ZBED6: variants seen among roughly 807,000 people sequenced by gnomAD.
The protein encoded by ZBED6 is zinc finger BED domain-containing protein 6.
A neutral mutation model predicts 58.4 loss-of-function variants in ZBED6; 40 were observed. The ratio of observed to expected loss-of-function variants is 0.68; its 90% CI spans 0.53 to 0.89. The LOEUF is 0.89. Ranked by LOEUF, ZBED6 falls within the 40% of genes least tolerant of loss-of-function variation. ZBED6 has a pLI of 0.00. For synonymous variants in ZBED6, 439 were observed against 350.6 expected, an observed-to-expected ratio of 1.25 and a Z score of -2.82; for missense variants, 1,057 against 1,003.9, an observed-to-expected ratio of 1.05 and a Z score of -0.71.
chr1:203,799,944 G>C (rs1449685241), exon 1 of ZBED6: 4 of 1,536,134 alleles, frequency 2.6e-6, no homozygotes, highest in Non-Finnish European at 2.6e-6. Flanking sequence ...ATCTTCACCA[G>C]AGATCTGCCA....
intron 3 of ZBED6, among the ~76,000 whole-genome samples, chr1:203,824,681 C>G (rs1054712015): frequency 6.6e-6 from 1 of 152,104 alleles, no homozygotes. Context: ...GGTTCCACGG[C>G]TTTTGGTTGG....
chr1:203,819,497 C>T (rs1317171089), intron 3 of ZBED6, among the ~76,000 whole-genome samples: 4 of 148,928 alleles, frequency 2.7e-5, no homozygotes, highest in Non-Finnish European at 4.4e-5. Context: ...GCTGGGATTA[C>T]ATGCGTGAGC....
intron 11 of ZBED6, among the ~76,000 whole-genome samples, chr1:203,844,050 C>T (rs1325533900): frequency 6.6e-6 from 1 of 151,832 alleles, no homozygotes; most frequent in African/African-American, 2.4e-5. Flanking sequence ...AGAAACGGGG[C>T]TTCTCCATGT....
At chr1:203,830,924 A>AATTTT (rs1682062416) in intron 7 of ZBED6, among the ~76,000 whole-genome samples, 36 of 89,890 alleles carry the variant, frequency 4.0e-4, no homozygotes, top group African/African-American at 1.4e-3. Flanking sequence ...TCCAACCCCC[A>AATTTT]ATTTTTTTTT....
chr1:203,840,736 C>A (rs1308573829), intron 11 of ZBED6, among the ~76,000 whole-genome samples: 1 of 151,990 alleles, frequency 6.6e-6, no homozygotes, highest in Non-Finnish European at 1.5e-5. Context: ...TGGGTTCAAG[C>A]AATTCCCCTG....
chr1:203,796,491 T>A lies in ZBED6; in HGVS notation c.-1032T>A. On this transcript the variant is annotated 5_prime_UTR_variant, in exon 1 of 17. An upstream open reading frame in the 5' UTR loses its in-frame stop. Transcript: ENST00000550078. ...AATGAAGAACACCCCTAAACTCCCA[T>A]AATCGGTGCGGATTCCTATGGGGAA... 2.5e-6 allele frequency: 1 copy of A among 398,972 alleles called. No homozygotes were observed. Among genetic ancestry groups the A allele is most frequent in the Non-Finnish European group, 4.4e-6 (1 of 226,042 alleles). 24.7% of individuals were successfully genotyped at this position (398,972 alleles called of 1,614,324 possible). A position where few individuals can be genotyped will look rare whatever the true frequency, so the allele number is the denominator to read the frequency against.
exon 10 of ZBED6, chr1:203,838,056 C>T (rs754011362): frequency 6.2e-7 from 1 of 1,614,024 alleles, no homozygotes; most frequent in Non-Finnish European, 8.5e-7. Flanking sequence ...GACAAAACAC[C>T]AAAGAAAGGT....
At chr1:203,846,861 G>A (rs973265687) in intron 11 of ZBED6, among the ~76,000 whole-genome samples, 6 of 151,956 alleles carry the variant, frequency 3.9e-5, no homozygotes, top group Admixed American at 1.3e-4. Flanking sequence ...ACAATTAGCC[G>A]GGCTTGGTGG....
chr1:203,809,864 G>A (rs986585943), intron 1 of ZBED6, among the ~76,000 whole-genome samples: 5 of 152,138 alleles, frequency 3.3e-5, no homozygotes, highest in Non-Finnish European at 1.5e-5. Context: ...TGAGGCAGGA[G>A]AATTGCTTGA....
exon 1 of ZBED6, chr1:203,795,819 C>T (rs1558083333): frequency 6.6e-6 from 1 of 151,994 alleles, no homozygotes; most frequent in South Asian, 2.1e-4. Flanking sequence ...TTTTTTGATT[C>T]CCGGGTGGCT....
intron 1 of ZBED6, chr1:203,805,703 T>TTGCAGG: frequency 1.5e-6 from 1 of 663,666 alleles, no homozygotes. Context: ...CCTTCTGGAA[T>TTGCAGG]TGCAGGTGCA....
exon 1 of ZBED6, chr1:203,798,972 G>A (rs1669629441): frequency 2.0e-6 from 3 of 1,535,974 alleles, no homozygotes; most frequent in African/African-American, 2.7e-5. Flanking sequence ...ACACCTGACT[G>A]TTGACATATG....
At chr1:203,824,890 C>T (rs1014776184) in intron 3 of ZBED6, among the ~76,000 whole-genome samples, 1 of 151,860 alleles carries the variant, frequency 6.6e-6, no homozygotes, top group Non-Finnish European at 1.5e-5. Context: ...GCCTGGACAA[C>T]ATGGTGAAAC....
intron 1 of ZBED6, among the ~76,000 whole-genome samples, chr1:203,807,530 T>G (rs573118919): frequency 1.3e-5 from 2 of 152,052 alleles, no homozygotes; most frequent in African/African-American, 2.4e-5. Flanking sequence ...CTGTTTTTTT[T>G]TTGTTGGTTT....
exon 1 of ZBED6, chr1:203,797,759 G>C (rs1349360451): frequency 1.3e-6 from 2 of 1,535,672 alleles, no homozygotes; most frequent in East Asian, 4.9e-5. Context: ...GAAAAAAATT[G>C]ATTCTTGCCA....
chr1:203,798,446 A>G lies in ZBED6; in HGVS notation c.924A>G (p.Arg308=), dbSNP rs1421202106. ...ACTTAGGGACTTCAACACTTCAACG[A>G]CACCTGCAAGCCACACATCCTATCC... is the stretch of plus-strand genomic sequence containing the variant. The change falls in exon 1 of 17, where the codon CGA becomes CGG. Residue 308 remains arginine, a synonymous_variant. Coordinates refer to ENST00000550078, the Ensembl canonical transcript of ZBED6. 5 of 1,535,898 alleles carry G rather than the reference A, an allele frequency of 3.3e-6. No individual in the cohort carries two copies. The African/African-American group carries it at 5.5e-5, about 17-fold the overall frequency.
At chr1:203,828,559 C>G in intron 4 of ZBED6, 137 bp downstream of exon 4, 2 of 1,105,648 alleles carry the variant, frequency 1.8e-6, no homozygotes, top group Non-Finnish European at 2.6e-6. Context: ...GATAAGTGAA[C>G]TGAATCTTAT....
At chr1:203,830,313 C>T in intron 7 of ZBED6, 110 bp downstream of exon 7, 1 of 849,860 alleles carries the variant, frequency 1.2e-6, no homozygotes, top group Admixed American at 2.5e-5. Context: ...ATTTCCATGG[C>T]CTGTTTGAAG....
rs193078659 is a variant in ZBED6 at position 203,810,435 on chromosome 1, T to G, written c.*2555-6491T>G. 1.6e-3 allele frequency among the ~76,000 whole-genome samples: 247 copies of G among 151,698 alleles called. 2 individuals carry two copies. Among genetic ancestry groups the G allele is most frequent in the African/African-American group, 5.7e-3 (237 of 41,398 alleles). ...TTGTAGCTGTTAGGTTTTTTTTTTT[T>G]TTGAGACAGAGTCTCACTCTGTCGC... On this transcript the variant is annotated intron_variant, in intron 1 of 16. Coordinates refer to ENST00000550078, the Ensembl canonical transcript of ZBED6.
Sources: gnomAD v4.1 joint callset for allele counts (sites outside exome capture counted in the v4.1 genomes callset) on GRCh38, gnomAD v4.1.1 for gene constraint, MANE v1.5 for transcripts, NCBI Gene and HGNC (gene_info 2026-07-23, HGNC 2026-07-21) for gene names.